DMD: variants seen among roughly 807,000 people sequenced by gnomAD.
DMD encodes mutant dystrophin.
A neutral mutation model predicts 330.1 loss-of-function variants in DMD; 63 were observed. That is an observed-to-expected ratio of 0.19 (90% CI 0.16 to 0.24). DMD has a LOEUF of 0.24. Ranked by LOEUF, DMD falls within the 10% of genes least tolerant of loss-of-function variation. The pLI, the probability that DMD is intolerant of heterozygous loss-of-function variation, is 1.00. For missense variants in DMD, 3,344 were observed against 2,684.1 expected (o/e 1.25, Z -5.43); for synonymous variants, 1,223 against 959.8 (o/e 1.27, Z -5.07).
intron 62 of DMD, among the ~76,000 whole-genome samples, chrX:31,306,508 T>A (rs2055046590): frequency 8.9e-6 from 1 of 112,089 alleles, no homozygotes; most frequent in African/African-American, 3.2e-5. Flanking sequence ...CAGATTTCCT[T>A]AGGTATATTA....
intron 48 of DMD, among the ~76,000 whole-genome samples, chrX:31,858,248 T>C (rs2093647816): frequency 8.9e-6 from 1 of 111,817 alleles, no homozygotes; most frequent in Admixed American, 9.5e-5. Flanking sequence ...ATGGCATTTC[T>C]AAGCCGTAAA....
intron 2 of DMD, among the ~76,000 whole-genome samples, chrX:32,909,445 G>T (rs937955042): frequency 1.8e-5 from 2 of 111,495 alleles, no homozygotes; most frequent in African/African-American, 6.5e-5. Flanking sequence ...ATCTCGCCAC[G>T]TCAGAGGAGT....
intron 1 of DMD, among the ~76,000 whole-genome samples, chrX:33,135,030 T>C (rs1427860248): frequency 8.9e-6 from 1 of 112,035 alleles, no homozygotes; most frequent in East Asian, 2.8e-4. Context: ...TATATCTTCT[T>C]AAAACACTAG....
chrX:31,164,410 A>G (rs1249678784), intron 74 of DMD, among the ~76,000 whole-genome samples: 1 of 111,494 alleles, frequency 9.0e-6, no homozygotes, highest in East Asian at 2.8e-4. Flanking sequence ...CCTCTAATAA[A>G]CACTGCTGCA....
intron 7 of DMD, among the ~76,000 whole-genome samples, chrX:32,728,480 G>A (rs1347623559): frequency 8.9e-6 from 1 of 111,968 alleles, no homozygotes; most frequent in Non-Finnish European, 1.9e-5. Flanking sequence ...AAAGCAGGCT[G>A]AAGTCATTTA....
chrX:32,104,168 A>T (rs969040371), intron 44 of DMD, among the ~76,000 whole-genome samples: 1 of 111,528 alleles, frequency 9.0e-6, no homozygotes, highest in African/African-American at 3.3e-5. Flanking sequence ...CTGTTAATTT[A>T]GGCATGATTT....
chrX:32,956,948 C>T (rs2091630449), intron 2 of DMD, among the ~76,000 whole-genome samples: 1 of 111,847 alleles, frequency 8.9e-6, no homozygotes, highest in African/African-American at 3.2e-5. Context: ...GCTCTCTTTC[C>T]TTTCTTCTCA....
At chrX:32,401,055 AC>A (rs2098082860) in intron 30 of DMD, among the ~76,000 whole-genome samples, 1 of 109,563 alleles carries the variant, frequency 9.1e-6, no homozygotes, top group Non-Finnish European at 1.9e-5. Flanking sequence ...GCTGGAAACC[AC>A]CATTCTCAGC....
At chrX:32,225,301 C>T (rs2097143944) in intron 43 of DMD, among the ~76,000 whole-genome samples, 1 of 111,713 alleles carries the variant, frequency 9.0e-6, no homozygotes. Flanking sequence ...ATGGATATGG[C>T]TGGGATTCAA....
intron 7 of DMD, among the ~76,000 whole-genome samples, chrX:32,783,051 CAT>C (rs763795295): frequency 4.6e-4 from 44 of 95,332 alleles, no homozygotes; most frequent in Non-Finnish European, 7.0e-4. Flanking sequence ...TATACACACA[CAT>C]ATACATATAT....
chrX:31,306,162 G>A (rs1022010313), intron 62 of DMD, among the ~76,000 whole-genome samples: 1 of 110,658 alleles, frequency 9.0e-6, no homozygotes, highest in African/African-American at 3.3e-5. Flanking sequence ...ATGGAGAATT[G>A]CCCAATTAGG....
At chrX:31,790,983 T>C (rs976632998) in intron 50 of DMD, among the ~76,000 whole-genome samples, 2 of 112,184 alleles carry the variant, frequency 1.8e-5, no homozygotes, top group Admixed American at 9.5e-5. Flanking sequence ...AAATGTCTAC[T>C]ACATGTTTGT....
intron 44 of DMD, among the ~76,000 whole-genome samples, chrX:32,182,776 T>C (rs1371999774): frequency 9.0e-6 from 1 of 111,712 alleles, no homozygotes; most frequent in East Asian, 2.8e-4. Flanking sequence ...TTGGTTGTAA[T>C]ATCTGACAAA....
At chrX:31,829,132 T>C (rs1113602) in intron 49 of DMD, among the ~76,000 whole-genome samples, 52,481 of 110,315 alleles carry the variant, frequency 0.48, 9,603 homozygotes, top group African/African-American at 0.67. Context: ...AACGGAAAAC[T>C]AAATACCATA....
rs1292628434 is a variant in DMD, at chrX:32,735,444, G to T, written c.650-36151C>A. On this transcript the variant is annotated intron_variant, in intron 7 of 78. Coordinates refer to ENST00000357033, the MANE Select transcript of DMD (RefSeq NM_004006.3). ...AAAGTTGATATGGAACCAAAAAAGA[G>T]CCCGCATCACCAAGTCACTCCTAAG... Among the ~76,000 whole-genome samples, 6 of 111,092 alleles carry T rather than the reference G, an allele frequency of 5.4e-5. No individual in the cohort carries two copies. In the East Asian group the frequency reaches 1.4e-3, roughly 26 times the overall value.
intron 44 of DMD, among the ~76,000 whole-genome samples, chrX:32,150,603 A>G (rs890277791): frequency 5.4e-5 from 6 of 111,693 alleles, no homozygotes; most frequent in African/African-American, 2.0e-4. Context: ...TAAGAACCTC[A>G]GGATGCAAGA....
chrX:31,190,665 T>C (rs984636644), intron 67 of DMD, among the ~76,000 whole-genome samples: 1 of 89,578 alleles, frequency 1.1e-5, no homozygotes, highest in Admixed American at 1.5e-4. Context: ...GAGGCCAGGA[T>C]TCTGCAAAAC....
chrX:32,262,577 A>G (rs1394871413), intron 43 of DMD, among the ~76,000 whole-genome samples: 2 of 111,708 alleles, frequency 1.8e-5, no homozygotes, highest in Non-Finnish European at 3.8e-5. Flanking sequence ...TACTAGGTAT[A>G]CAAGTTTTAC....
chrX:33,200,925 CTTTTTTTTTTT>C (rs10678250), intron 1 of DMD, among the ~76,000 whole-genome samples: 4 of 52,808 alleles, frequency 7.6e-5, no homozygotes, highest in Admixed American at 3.7e-4. Context: ...AATCAATAGA[CTTTTTTTTTTT>C]TTTTTTTTTT....
Sources: gnomAD v4.1 joint callset for allele counts (sites outside exome capture counted in the v4.1 genomes callset) on GRCh38, gnomAD v4.1.1 for gene constraint, MANE v1.5 for transcripts, NCBI Gene and HGNC (gene_info 2026-07-23, HGNC 2026-07-21) for gene names.